ARFGEF3: variants seen among roughly 807,000 people sequenced by gnomAD.
ARFGEF3 encodes brefeldin A-inhibited guanine nucleotide-exchange protein 3.
A neutral mutation model predicts 221.7 loss-of-function variants in ARFGEF3; 96 were observed. That is an observed-to-expected ratio of 0.43 (90% CI 0.37 to 0.51). The LOEUF (loss-of-function observed/expected upper bound fraction) is 0.51, where lower values mean the gene tolerates loss of function less well. ARFGEF3 is among the 20% of genes least tolerant of loss of function. ARFGEF3 has a pLI of 0.00. For synonymous variants in ARFGEF3, 1,145 were observed against 1,126.8 expected, an observed-to-expected ratio of 1.02 and a Z score of -0.32; for missense variants, 2,410 against 2,789.9, an observed-to-expected ratio of 0.86 and a Z score of 3.07.
intron 27 of ARFGEF3, among the ~76,000 whole-genome samples, 183 bp from the exon 28 acceptor site, chr6:138,319,520 C>T (rs899695132): frequency 3.3e-5 from 5 of 151,898 alleles, no homozygotes; most frequent in African/African-American, 9.7e-5. Context: ...ACTAAAACCC[C>T]GCAGAAAAAA....
chr6:138,183,717 C>T (rs1412609856), intron 2 of ARFGEF3, among the ~76,000 whole-genome samples: 1 of 152,214 alleles, frequency 6.6e-6, no homozygotes, highest in Non-Finnish European at 1.5e-5. Flanking sequence ...CATCATAATA[C>T]AGATGCAAGT....
chr6:138,267,193 G>C lies in ARFGEF3; in HGVS notation c.2128+3582G>C, dbSNP rs143988624. On this transcript the variant is annotated intron_variant, in intron 12 of 33. Coordinates refer to ENST00000251691, the MANE Select transcript of ARFGEF3 (RefSeq NM_020340.5). ...ATTTAAAATTAAAATTATCCAGGAG[G>C]CAGATGGATCACTTGAGGCCAGGAG... is the stretch of plus-strand genomic sequence containing the variant. Among the ~76,000 whole-genome samples, 258 of 152,238 alleles carry C rather than the reference G, an allele frequency of 1.7e-3. 5 individuals carry two copies. The East Asian group carries it at 0.035, about 20-fold the overall frequency.
chr6:138,169,389 T>C (rs1776783286), intron 1 of ARFGEF3, among the ~76,000 whole-genome samples: 2 of 152,232 alleles, frequency 1.3e-5, no homozygotes, highest in African/African-American at 4.8e-5. Flanking sequence ...TTTTCTCTTT[T>C]CCTTTTCTTC....
In ARFGEF3 at chr6:138,324,036, G is replaced by C; in HGVS notation, c.4883G>C (p.Cys1628Ser). ...GTTTCTCCCCAGGACCTGCTGGGCT[G>C]CTTCCACAGCGGCACGGAGAGCTTC... ...TLKPVKDLLGCFHSGTESFSG... is the reference protein window; with the variant it reads ...TLKPVKDLLGSFHSGTESFSG... Residue 1628 changes from cysteine (C) to serine (S), a missense_variant, in exon 31 of 34, where the codon TGC becomes TCC. By Grantham distance (112) the Cys-to-Ser change is moderately radical. Around this residue, in one of 5 missense-constraint regions of ARFGEF3, gnomAD observed 723 missense variants for 991.9 expected, o/e 0.73. Transcript: ENST00000251691. The C allele has an allele frequency of 1.2e-6, 2 of 1,613,720 alleles. No homozygotes were observed. The highest frequency in any genetic ancestry group is 1.7e-4 in the Middle Eastern group (1 of 6,058).
At chr6:138,226,253 C>T (rs1221523643) in intron 4 of ARFGEF3, among the ~76,000 whole-genome samples, 10 of 152,210 alleles carry the variant, frequency 6.6e-5, no homozygotes, top group African/African-American at 1.4e-4. Context: ...CTCATATTAA[C>T]GTGACCACAT....
chr6:138,281,593 G>C (rs961221407), intron 14 of ARFGEF3, among the ~76,000 whole-genome samples: 15 of 152,182 alleles, frequency 9.9e-5, no homozygotes, highest in Admixed American at 9.8e-4. Context: ...GCATTAACTC[G>C]TTTGGGATAA....
intron 1 of ARFGEF3, among the ~76,000 whole-genome samples, chr6:138,166,098 T>C (rs1776717184): frequency 1.3e-5 from 2 of 152,192 alleles, no homozygotes; most frequent in South Asian, 4.1e-4. Context: ...ATCAAAACAA[T>C]ACATGTCAGC....
intron 8 of ARFGEF3, among the ~76,000 whole-genome samples, chr6:138,247,805 T>A (rs1778513181): frequency 1.3e-5 from 2 of 152,202 alleles, no homozygotes; most frequent in Admixed American, 1.3e-4. Flanking sequence ...CATGTTTTTG[T>A]AAGATTGAGT....
At chr6:138,234,854 G>A (rs1051014131) in intron 5 of ARFGEF3, among the ~76,000 whole-genome samples, 1 of 151,966 alleles carries the variant, frequency 6.6e-6, no homozygotes, top group Admixed American at 6.6e-5. Context: ...TATTATATAC[G>A]ATTTTAACAA....
intron 22 of ARFGEF3, among the ~76,000 whole-genome samples, chr6:138,299,223 A>T (rs925859384): frequency 6.6e-6 from 1 of 151,102 alleles, no homozygotes; most frequent in African/African-American, 2.4e-5. Flanking sequence ...AAAAAAAAAA[A>T]ACAGAAAAGT....
chr6:138,314,571 A>G (rs1440531152), intron 26 of ARFGEF3, among the ~76,000 whole-genome samples: 1 of 152,226 alleles, frequency 6.6e-6, no homozygotes, highest in Non-Finnish European at 1.5e-5. Context: ...GGCATGATTC[A>G]TTCCAAAGCA....
At chr6:138,287,299 A>T (rs1779316144) in intron 17 of ARFGEF3, 115 bp downstream of exon 17, 16 of 742,094 alleles carry the variant, frequency 2.2e-5, no homozygotes, top group Non-Finnish European at 3.7e-5. Context: ...GATGCCCGGT[A>T]TGTATACACC....
At chr6:138,266,847 T>TAAAAAAAAA (rs1778903964) in intron 12 of ARFGEF3, among the ~76,000 whole-genome samples, 1 of 33,270 alleles carries the variant, frequency 3.0e-5, no homozygotes, top group African/African-American at 3.4e-4. Flanking sequence ...AGACTCCATC[T>TAAAAAAAAA]CAAAAAAAAA....
chr6:138,222,732 C>G (rs1778003301), intron 4 of ARFGEF3, among the ~76,000 whole-genome samples: 1 of 152,110 alleles, frequency 6.6e-6, no homozygotes, highest in Non-Finnish European at 1.5e-5. Flanking sequence ...TTTTAAAAAA[C>G]TTCAATAGCT....
chr6:138,287,441 C>A (rs942233110), intron 17 of ARFGEF3, among the ~76,000 whole-genome samples: 1 of 152,224 alleles, frequency 6.6e-6, no homozygotes, highest in African/African-American at 2.4e-5. Context: ...CCCAGGGGGA[C>A]CCACCTGGCT....
intron 23 of ARFGEF3, among the ~76,000 whole-genome samples, chr6:138,307,670 C>T (rs2272891): frequency 0.21 from 31,332 of 152,086 alleles, 3,545 homozygotes; most frequent in East Asian, 0.45. Context: ...GTTGAGTTCA[C>T]GTCTAAAGCC....
intron 2 of ARFGEF3, among the ~76,000 whole-genome samples, chr6:138,174,896 C>G (rs549590881): frequency 1.3e-5 from 2 of 152,032 alleles, no homozygotes; most frequent in Non-Finnish European, 2.9e-5. Context: ...TCAGAAGAAC[C>G]CTTGAAGAGC....
Position 138,291,723 on chromosome 6 carries a change from C to T in ARFGEF3, c.3048-10C>T. The T allele has an allele frequency of 7.5e-7, 1 of 1,336,304 alleles. No homozygotes were observed. The highest frequency in any genetic ancestry group is 2.3e-5 in the South Asian group (1 of 42,868). The allele number at this position is 1,336,304 out of a possible 1,614,324, so 82.8% of individuals were successfully genotyped here. A position where few individuals can be genotyped will look rare whatever the true frequency, so the allele number is the denominator to read the frequency against. Reference sequence around the variant, plus strand: ...AGCGCCTAACAGCTGCTTGTCTGTGCTCTTTCTAGGGTGTGTGAATACGTG... The same window carrying T: ...AGCGCCTAACAGCTGCTTGTCTGTGTTCTTTCTAGGGTGTGTGAATACGTG... On this transcript the variant is annotated splice_polypyrimidine_tract_variant and intron_variant, in intron 18 of 33. Coordinates refer to ENST00000251691, the MANE Select transcript of ARFGEF3 (RefSeq NM_020340.5). This position sits in a 1 kb window ranked among gnomAD's most constrained non-coding sequence, Gnocchi z 4.5.
intron 12 of ARFGEF3, among the ~76,000 whole-genome samples, chr6:138,269,411 A>G (rs1438755137): frequency 2.0e-5 from 3 of 152,274 alleles, no homozygotes; most frequent in Admixed American, 6.5e-5. Flanking sequence ...TGCTATCTTT[A>G]TATAATACAG....
Sources: gnomAD v4.1 joint callset for allele counts (sites outside exome capture counted in the v4.1 genomes callset) on GRCh38, gnomAD v4.1.1 for gene constraint, gnomAD v4.1.1 regional missense constraint, Gnocchi (gnomAD v3.1) non-coding constraint, MANE v1.5 for transcripts, NCBI Gene and HGNC (gene_info 2026-07-23, HGNC 2026-07-21) for gene names.